The following GRM7 variants were observed in gnomAD, a reference collection of about 807,000 sequenced individuals.
GRM7 encodes the protein glutamate metabotropic receptor 7.
Under a neutral mutation model 84.5 loss-of-function variants are expected in GRM7, and 35 were observed. That is an observed-to-expected ratio of 0.41 (90% CI 0.32 to 0.55). GRM7 has a LOEUF of 0.55. Ranked by LOEUF, GRM7 falls within the 20% of genes least tolerant of loss-of-function variation. The pLI is 0.19. For synonymous variants in GRM7, 487 were observed against 455.1 expected, an observed-to-expected ratio of 1.07 and a Z score of -0.89; for missense variants, 1,003 against 1,194.6, an observed-to-expected ratio of 0.84 and a Z score of 2.36.
At position 7,417,558 on chromosome 3, in the gene GRM7, A is replaced by C. The variant is rs75602317; in HGVS notation, c.1174+2395A>C. 8.0e-3 allele frequency among the ~76,000 whole-genome samples: 1,217 copies of C among 152,280 alleles called. 16 individuals are homozygous for C. Among genetic ancestry groups the C allele is most frequent in the African/African-American group, 0.026 (1,088 of 41,570 alleles). ...TAGATTTTAAAACACTAGAACAGGC[A>C]TGTTAGAAAGGGCACCCAGATGAGC... On this transcript the variant is annotated intron_variant, in intron 5 of 9. Transcript: ENST00000357716.
chr3:6,877,817 A>T (rs1394821049), intron 1 of GRM7, among the ~76,000 whole-genome samples: 4 of 95,816 alleles, frequency 4.2e-5, no homozygotes, highest in South Asian at 6.0e-4. Flanking sequence ...TATCACACAC[A>T]CACACACACA....
chr3:6,867,745 T>G (rs180824320), intron 1 of GRM7, among the ~76,000 whole-genome samples: 1 of 152,314 alleles, frequency 6.6e-6, no homozygotes, highest in Admixed American at 6.5e-5. Context: ...ACTGGTTAAT[T>G]AATGGACCTT....
At position 7,252,165 on chromosome 3, in the gene GRM7, A is replaced by G. The variant is rs1248476007; in HGVS notation, c.737-46519A>G. On this transcript the variant is annotated intron_variant, in intron 2 of 9. Transcript: ENST00000357716. ...GAGGGAGGAGAAGATCCCAATAGAA[A>G]GGCAGGCAGAGAGAACAGAATTTGT... Among the ~76,000 whole-genome samples, 4 of 152,194 alleles carry G rather than the reference A, an allele frequency of 2.6e-5. No homozygotes were observed. The East Asian group carries it at 7.7e-4, about 29-fold the overall frequency.
intron 1 of GRM7, among the ~76,000 whole-genome samples, chr3:7,085,741 G>A (rs1499165): frequency 0.56 from 84,428 of 151,944 alleles, 26,201 homozygotes; most frequent in African/African-American, 0.85. Context: ...TAAGCCTTTT[G>A]CTGGTGAAAT....
intron 4 of GRM7, among the ~76,000 whole-genome samples, chr3:7,334,602 T>G (rs1486999090): frequency 6.6e-6 from 1 of 152,130 alleles, no homozygotes; most frequent in African/African-American, 2.4e-5. Context: ...GCCTAAATGC[T>G]CCACTTAAAA....
intron 8 of GRM7, among the ~76,000 whole-genome samples, chr3:7,654,843 T>C (rs1421749676): frequency 6.6e-6 from 1 of 152,242 alleles, no homozygotes; most frequent in African/African-American, 2.4e-5. Flanking sequence ...AATTCTGTAT[T>C]AGGAAATAAT....
intron 2 of GRM7, among the ~76,000 whole-genome samples, chr3:7,152,840 G>A (rs1188184153): frequency 6.6e-6 from 1 of 152,166 alleles, no homozygotes; most frequent in Admixed American, 6.5e-5. Context: ...CATCGCTGTA[G>A]AGCTAAAACA....
intron 2 of GRM7, among the ~76,000 whole-genome samples, chr3:7,292,643 A>T (rs1699671925): frequency 6.6e-6 from 1 of 151,982 alleles, no homozygotes; most frequent in Admixed American, 6.6e-5. Context: ...TTTGGATCTC[A>T]GTTTCTCCAT....
intron 1 of GRM7, among the ~76,000 whole-genome samples, chr3:6,927,463 G>GAGAAAGAAAGAAAGAA (rs796767040): frequency 4.4e-4 from 41 of 93,296 alleles, no homozygotes; most frequent in Non-Finnish European, 8.0e-4. Context: ...GAAAGAGAGA[G>GAGAAAGAAAGAAAGAA]AGAAAGAAAG....
intron 1 of GRM7, among the ~76,000 whole-genome samples, chr3:6,933,387 C>A (rs1475036424): frequency 1.3e-5 from 2 of 152,050 alleles, no homozygotes; most frequent in East Asian, 3.9e-4. Flanking sequence ...GATTGTAGTT[C>A]TGTATAAACC....
At chr3:7,579,752 G>A (rs999769333) in intron 8 of GRM7, among the ~76,000 whole-genome samples, 1 of 152,154 alleles carries the variant, frequency 6.6e-6, no homozygotes, top group Non-Finnish European at 1.5e-5. Context: ...GTGTGTGATG[G>A]TCATTACTAT....
At chr3:7,165,997 A>G (rs1219794377) in intron 2 of GRM7, among the ~76,000 whole-genome samples, 2 of 152,218 alleles carry the variant, frequency 1.3e-5, no homozygotes, top group African/African-American at 4.8e-5. Flanking sequence ...ACTTTCATCA[A>G]TATGAATGTC....
intron 8 of GRM7, among the ~76,000 whole-genome samples, chr3:7,678,227 A>G (rs563829538): frequency 9.8e-5 from 15 of 152,350 alleles, no homozygotes; most frequent in Non-Finnish European, 1.8e-4. Context: ...AGTTGAAAAA[A>G]GAAAACATAT....
intron 1 of GRM7, among the ~76,000 whole-genome samples, chr3:7,114,374 G>C (rs1473157590): frequency 6.6e-6 from 1 of 152,058 alleles, no homozygotes; most frequent in African/African-American, 2.4e-5. Flanking sequence ...ATAAAATACA[G>C]TCAACTTTCT....
chr3:7,385,106 C>T (rs1479402041), intron 4 of GRM7, among the ~76,000 whole-genome samples: 2 of 151,912 alleles, frequency 1.3e-5, no homozygotes, highest in Admixed American at 6.6e-5. Flanking sequence ...AATGTGCGAA[C>T]AATAACTTGA....
chr3:7,527,492 C>G (rs1358632520), intron 7 of GRM7, among the ~76,000 whole-genome samples: 1 of 152,000 alleles, frequency 6.6e-6, no homozygotes, highest in Non-Finnish European at 1.5e-5. Context: ...TTGCTTTCCT[C>G]TTTTCCTGTT....
intron 4 of GRM7, among the ~76,000 whole-genome samples, chr3:7,338,952 A>T (rs998183548): frequency 6.6e-6 from 1 of 151,958 alleles, no homozygotes; most frequent in Admixed American, 6.6e-5. Flanking sequence ...AAAAAAAACA[A>T]TACTCCTACC....
intron 9 of GRM7, among the ~76,000 whole-genome samples, chr3:7,700,951 AGTT>A (rs1431418353): frequency 1.3e-5 from 2 of 152,216 alleles, no homozygotes; most frequent in Admixed American, 1.3e-4. Flanking sequence ...TCTTCAAGAC[AGTT>A]GTTAACAGAA....
intron 1 of GRM7, among the ~76,000 whole-genome samples, chr3:6,981,728 A>T (rs538380485): frequency 6.6e-6 from 1 of 152,290 alleles, no homozygotes; most frequent in African/African-American, 2.4e-5. Context: ...AGAAACGCAA[A>T]TCAAAATCAT....
Sources: gnomAD v4.1 joint callset for allele counts (sites outside exome capture counted in the v4.1 genomes callset) on GRCh38, gnomAD v4.1.1 for gene constraint, MANE v1.5 for transcripts, NCBI Gene and HGNC (gene_info 2026-07-23, HGNC 2026-07-21) for gene names.